UGT1A6: variants seen among roughly 807,000 people sequenced by gnomAD.
UGT1A6 encodes the protein UDP-glucuronosyltransferase 1A6.
A neutral mutation model predicts 44.4 loss-of-function variants in UGT1A6; 32 were observed. The observed-to-expected ratio is 0.72, with a 90% CI of 0.54 to 0.97. UGT1A6 has a LOEUF of 0.97. Ranked by LOEUF, UGT1A6 falls within the 50% of genes least tolerant of loss-of-function variation. The pLI, the probability that UGT1A6 is intolerant of heterozygous loss-of-function variation, is 0.00. For missense variants in UGT1A6, 685 were observed against 661.9 expected (o/e 1.03, Z -0.38); for synonymous variants, 238 against 248.5 (o/e 0.96, Z 0.40).
chr2:233,699,621 C>A (rs1403049874), intron 1 of UGT1A6, among the ~76,000 whole-genome samples: 1 of 152,202 alleles, frequency 6.6e-6, no homozygotes, highest in Non-Finnish European at 1.5e-5. Context: ...GAATAGAATG[C>A]AAGCTCAGGC....
chr2:233,710,719 T>A (rs1013193307), intron 1 of UGT1A6, among the ~76,000 whole-genome samples: 1 of 152,218 alleles, frequency 6.6e-6, no homozygotes, highest in Non-Finnish European at 1.5e-5. Flanking sequence ...TTTCATTTTT[T>A]AAAAAACAAC....
At position 233,692,977 on chromosome 2, in the gene UGT1A6, T is replaced by A. The variant is rs748283571; in HGVS notation, c.-28T>A. The A allele has an allele frequency of 8.7e-6, 14 of 1,612,662 alleles. No homozygotes were observed. The East Asian group carries it at 3.1e-4, about 36-fold the overall frequency. On this transcript the variant is annotated 5_prime_UTR_variant, in exon 1 of 5. Transcript: ENST00000305139. ...GATTTGGAGAGTGAAAACTCTTTAT[T>A]ACCGTTGTTACTTTAACTCTTTCCA...
chr2:233,768,154 C>G, intron 3 of UGT1A6, 66 bp from the exon 4 acceptor site: 1 of 1,612,760 alleles, frequency 6.2e-7, no homozygotes, highest in Non-Finnish European at 8.5e-7. Context: ...TTTTCAGAAC[C>G]TAGATGTGTC....
intron 1 of UGT1A6, among the ~76,000 whole-genome samples, chr2:233,738,616 G>A (rs1192038342): frequency 6.6e-6 from 1 of 152,208 alleles, no homozygotes; most frequent in Non-Finnish European, 1.5e-5. Context: ...AAAGAAACTC[G>A]TGGCATTTTT....
At chr2:233,710,658 C>G (rs2076141376) in intron 1 of UGT1A6, among the ~76,000 whole-genome samples, 1 of 152,126 alleles carries the variant, frequency 6.6e-6, no homozygotes, top group African/African-American at 2.4e-5. Context: ...GATACAAGTG[C>G]TATGTCAGAT....
intron 1 of UGT1A6, among the ~76,000 whole-genome samples, chr2:233,722,884 C>T (rs1358395821): frequency 7.1e-6 from 1 of 141,226 alleles, no homozygotes; most frequent in Admixed American, 7.2e-5. Flanking sequence ...ATTTATTGCT[C>T]ATTAAGTGGA....
chr2:233,767,788 G>C (rs527533927), intron 2 of UGT1A6, 61 bp from the exon 3 acceptor site: 33 of 1,613,882 alleles, frequency 2.0e-5, no homozygotes, highest in East Asian at 4.5e-5. Flanking sequence ...TAGTATAGCA[G>C]ATTTGTTTTC....
intron 1 of UGT1A6, among the ~76,000 whole-genome samples, chr2:233,716,765 C>T (rs542066726): frequency 6.6e-6 from 1 of 152,294 alleles, no homozygotes; most frequent in African/African-American, 2.4e-5. Context: ...AGCTAGATCA[C>T]TCAGGTCAGG....
intron 4 of UGT1A6, among the ~76,000 whole-genome samples, 194 bp from the exon 5 acceptor site, chr2:233,772,068 G>T (rs906285664): frequency 3.9e-5 from 6 of 152,160 alleles, no homozygotes; most frequent in Non-Finnish European, 8.8e-5. Flanking sequence ...AGCCATGCTT[G>T]TGCCACTACA....
intron 1 of UGT1A6, chr2:233,721,814 C>T: frequency 1.9e-6 from 1 of 515,666 alleles, no homozygotes; most frequent in Non-Finnish European, 3.9e-6. Flanking sequence ...AAAAATCCAG[C>T]ACCCTATTTG....
chr2:233,713,508 T>C, intron 1 of UGT1A6: 2 of 1,613,988 alleles, frequency 1.2e-6, no homozygotes, highest in South Asian at 2.2e-5. Context: ...TGTGTTTTTC[T>C]TGAGGAACAT....
chr2:233,721,842 C>T (rs2076975101), intron 1 of UGT1A6: 2 of 515,392 alleles, frequency 3.9e-6, no homozygotes, highest in African/African-American at 1.9e-5. Flanking sequence ...GACCTTGTGT[C>T]CAGCCCCACT....
chr2:233,743,667 C>G (rs201017854), intron 1 of UGT1A6: 4 of 1,367,108 alleles, frequency 2.9e-6, no homozygotes, highest in African/African-American at 1.5e-5. Context: ...AAGGGGTCCT[C>G]GAAGGGCCTG....
chr2:233,766,580 G>A (rs1699191238), intron 1 of UGT1A6, among the ~76,000 whole-genome samples: 1 of 152,180 alleles, frequency 6.6e-6, no homozygotes, highest in Admixed American at 6.5e-5. Context: ...AGGTCTGGGG[G>A]TGGAGCCCTC....
chr2:233,736,069 TTGGGAAGTTCTCC>T (rs1429776969), intron 1 of UGT1A6, among the ~76,000 whole-genome samples: 1 of 152,194 alleles, frequency 6.6e-6, no homozygotes, highest in African/African-American at 2.4e-5. Flanking sequence ...CTTGCTAGGT[TTGGGAAGTTCTCC>T]TGGATAATAT....
At chr2:233,757,533 GGAA>G in intron 1 of UGT1A6, among the ~76,000 whole-genome samples, 1 of 52,410 alleles carries the variant, frequency 1.9e-5, no homozygotes, top group African/African-American at 1.3e-4. Context: ...TTGCCTGTAA[GGAA>G]TATATATATA....
chr2:233,720,054 T>A (rs1306889696), intron 1 of UGT1A6, among the ~76,000 whole-genome samples: 1 of 152,204 alleles, frequency 6.6e-6, no homozygotes, highest in African/African-American at 2.4e-5. Context: ...TGAACGGTGA[T>A]GCAACAGTAA....
Position 233,747,991 on chromosome 2 carries a change from A to C in UGT1A6, c.862-19043A>C, listed in dbSNP as rs532442400. On this transcript the variant is annotated intron_variant, in intron 1 of 4. Transcript: ENST00000305139. The stretch of plus-strand genomic sequence containing the variant: ...GCATCTGTGTGGCTGTTCCGAGGGG[A>C]CTTTGTGATGGATTACCCCAGGCCG... 1.5e-4 allele frequency: 241 copies of C among 1,612,988 alleles called. 4 individuals are homozygous for C. In the African/African-American group the frequency reaches 3.1e-3, roughly 21 times the overall value.
intron 1 of UGT1A6, chr2:233,740,604 A>T (rs537335169): frequency 3.9e-5 from 6 of 151,968 alleles, no homozygotes; most frequent in Non-Finnish European, 5.9e-5. Flanking sequence ...ACAGGTCTCC[A>T]GGTCTCTTGG....
Sources: allele counts gnomAD v4.1 joint callset (sites outside exome capture counted in the v4.1 genomes callset), GRCh38; gene constraint gnomAD v4.1.1; transcripts MANE v1.5; gene names NCBI Gene and HGNC (gene_info 2026-07-23, HGNC 2026-07-21).